DAB1: variants seen among roughly 807,000 people sequenced by gnomAD.
The protein encoded by DAB1 is disabled homolog 1.
In DAB1, 15 loss-of-function variants were observed where a neutral mutation model predicts 64.6. The observed-to-expected ratio is 0.23, with a 90% CI of 0.16 to 0.36. DAB1 has a LOEUF of 0.36. Among genes scored for constraint, DAB1 ranks in the 10% least tolerant of loss-of-function variants. The probability of loss-of-function intolerance (pLI) is 1.00; values close to 1 mark genes in which losing one functional copy is unlikely to be tolerated. For missense variants in DAB1, 596 were observed against 706.7 expected, an observed-to-expected ratio of 0.84 and a Z score of 1.78; for synonymous variants, 235 against 251.9, an observed-to-expected ratio of 0.93 and a Z score of 0.64.
At chr1:57,451,577 C>T (rs1348114004) in intron 7 of DAB1, among the ~76,000 whole-genome samples, 1 of 152,164 alleles carries the variant, frequency 6.6e-6, no homozygotes, top group Non-Finnish European at 1.5e-5. Flanking sequence ...TTAACATTAA[C>T]AAGGGTCTAA....
chr1:57,027,562 G>T (rs1474541178), intron 9 of DAB1, among the ~76,000 whole-genome samples: 1 of 152,106 alleles, frequency 6.6e-6, no homozygotes, highest in East Asian at 1.9e-4. Flanking sequence ...CCCCCAACAG[G>T]GGGTATATTT....
chr1:58,057,295 T>G (rs1648187349), intron 5 of DAB1, among the ~76,000 whole-genome samples: 1 of 152,190 alleles, frequency 6.6e-6, no homozygotes, highest in African/African-American at 2.4e-5. Context: ...CCCATTGTAC[T>G]GGGTTGAATA....
At chr1:57,185,409 T>C (rs1259311490) in intron 2 of DAB1, among the ~76,000 whole-genome samples, 1 of 152,096 alleles carries the variant, frequency 6.6e-6, no homozygotes, top group Non-Finnish European at 1.5e-5. Flanking sequence ...CTGGCTTGAA[T>C]ACCTGGGCAA....
At chr1:58,005,938 C>T (rs1391092366) in intron 5 of DAB1, among the ~76,000 whole-genome samples, 1 of 152,124 alleles carries the variant, frequency 6.6e-6, no homozygotes, top group Non-Finnish European at 1.5e-5. Context: ...AAGAGACCCG[C>T]CCAAGGACAT....
chr1:58,068,751 G>A (rs1649026461), intron 5 of DAB1, among the ~76,000 whole-genome samples: 1 of 139,666 alleles, frequency 7.2e-6, no homozygotes, highest in Non-Finnish European at 1.5e-5. Flanking sequence ...GGGCAACAGA[G>A]TGAGACTCCA....
chr1:57,194,548 A>G lies in DAB1; in HGVS notation c.68-49119T>C, dbSNP rs182047960. 3.3e-5 allele frequency among the ~76,000 whole-genome samples: 5 copies of G among 152,354 alleles called. No homozygotes were observed. The East Asian group carries it at 7.7e-4, about 24-fold the overall frequency. On this transcript the variant is annotated intron_variant, in intron 2 of 14. Coordinates refer to ENST00000371236, the MANE Select transcript of DAB1 (RefSeq NM_001365792.1). ...GATAAAGTTCTTCCTCCAACATACT[A>G]TATCACGTGGAAAAGCCCTTTCCCT...
rs111950109 is a variant in DAB1 at position 57,251,939 on chromosome 1, C to T, written c.67+39025G>A. 4.5e-3 allele frequency among the ~76,000 whole-genome samples: 688 copies of T among 152,272 alleles called. 5 individuals are homozygous for T. The highest frequency in any genetic ancestry group is 0.016 in the African/African-American group (673 of 41,576). ...AGCACACACACCCCATAAAGACCTC[C>T]TAGGCCACAGGCCTGTGAATTGATG... On this transcript the variant is annotated intron_variant, in intron 2 of 14. Transcript: ENST00000371236.
chr1:57,687,976 G>A (rs1302030913), intron 6 of DAB1, among the ~76,000 whole-genome samples: 1 of 152,086 alleles, frequency 6.6e-6, no homozygotes, highest in African/African-American at 2.4e-5. Context: ...GAAAATCTAG[G>A]AAATATCCTT....
chr1:57,705,478 A>G (rs1646956358), intron 6 of DAB1, among the ~76,000 whole-genome samples: 1 of 152,078 alleles, frequency 6.6e-6, no homozygotes, highest in African/African-American at 2.4e-5. Flanking sequence ...TTAAAAATAT[A>G]TTTCTCCTTC....
Position 57,040,448 on chromosome 1 carries a change from A to G in DAB1, c.724-14405T>C, listed in dbSNP as rs17114853. 6.2e-3 allele frequency among the ~76,000 whole-genome samples: 948 copies of G among 152,322 alleles called. 9 individuals carry two copies. The highest frequency in any genetic ancestry group is 0.021 in the African/African-American group (886 of 41,564). ...AACACTGGGAAAGAATATATAATTT[A>G]CACACTCGTAGAAGCTTCCTGATTC... On this transcript the variant is annotated intron_variant, in intron 9 of 14. Coordinates refer to ENST00000371236, the MANE Select transcript of DAB1 (RefSeq NM_001365792.1).
chr1:57,836,401 T>A (rs1208427037), intron 1 of DAB1, among the ~76,000 whole-genome samples: 5 of 152,172 alleles, frequency 3.3e-5, no homozygotes, highest in African/African-American at 4.8e-5. Flanking sequence ...GACTCGAGAA[T>A]CCCTTGGGTA....
At chr1:57,933,825 G>C (rs893084988) in intron 5 of DAB1, among the ~76,000 whole-genome samples, 1 of 151,802 alleles carries the variant, frequency 6.6e-6, no homozygotes, top group Non-Finnish European at 1.5e-5. Flanking sequence ...CAGTTGTACC[G>C]TTTTATACTA....
chr1:57,247,758 C>G (rs113255613), intron 2 of DAB1, among the ~76,000 whole-genome samples: 1 of 152,138 alleles, frequency 6.6e-6, no homozygotes, highest in Non-Finnish European at 1.5e-5. Flanking sequence ...ATGAGTGTAA[C>G]TTTTAGGCTT....
At chr1:57,056,333 TAAAA>T (rs903018252) in intron 9 of DAB1, among the ~76,000 whole-genome samples, 4 of 117,288 alleles carry the variant, frequency 3.4e-5, no homozygotes, top group Non-Finnish European at 5.3e-5. Context: ...TCCTCATCTT[TAAAA>T]AAAAAAAAAA....
At chr1:57,989,147 T>C (rs1331371565) in intron 5 of DAB1, among the ~76,000 whole-genome samples, 1 of 152,150 alleles carries the variant, frequency 6.6e-6, no homozygotes, top group African/African-American at 2.4e-5. Flanking sequence ...TTTCTCTGGA[T>C]ACCAAATGGG....
chr1:58,300,613 A>AAAGAAAGAAAGAAAGG (rs1557726080), intron 4 of DAB1, among the ~76,000 whole-genome samples: 1 of 38,224 alleles, frequency 2.6e-5, no homozygotes, highest in African/African-American at 8.7e-5. Context: ...AGAAAGAAAG[A>AAAGAAAGAAAGAAAGG]GAGAGAGAGA....
At chr1:57,342,592 A>G (rs11207013) in intron 1 of DAB1, among the ~76,000 whole-genome samples, 81,802 of 152,078 alleles carry the variant, frequency 0.54, 22,773 homozygotes, top group Non-Finnish European at 0.58. Flanking sequence ...TCTTGTGTCC[A>G]AAATTGGTGG....
intron 4 of DAB1, among the ~76,000 whole-genome samples, chr1:58,247,115 G>T (rs1660574787): frequency 6.6e-6 from 1 of 152,124 alleles, no homozygotes. Context: ...CCATACTGGA[G>T]GCCAGGAGAT....
chr1:57,477,769 C>A (rs1643956312), intron 7 of DAB1, among the ~76,000 whole-genome samples: 1 of 152,128 alleles, frequency 6.6e-6, no homozygotes, highest in East Asian at 1.9e-4. Context: ...CAGCAGAACC[C>A]AGTCCTGAAA....
Sources: allele counts gnomAD v4.1 joint callset (sites outside exome capture counted in the v4.1 genomes callset), GRCh38; gene constraint gnomAD v4.1.1; transcripts MANE v1.5; gene names NCBI Gene and HGNC (gene_info 2026-07-23, HGNC 2026-07-21).